NRP1: variants seen among roughly 807,000 people sequenced by gnomAD.
The protein encoded by NRP1 is neuropilin 1.
NRP1 carries 35 observed loss-of-function variants against 106.7 expected under a neutral mutation model. The ratio of observed to expected loss-of-function variants is 0.33; its 90% CI spans 0.25 to 0.43. The LOEUF is 0.43. Ranked by LOEUF, NRP1 falls within the 20% of genes least tolerant of loss-of-function variation. The pLI is 1.00. For synonymous variants in NRP1, 437 were observed against 417.9 expected (o/e 1.05, Z -0.56); for missense variants, 1,024 against 1,170.4 (o/e 0.87, Z 1.83).
chr10:33,224,602 T>C (rs571218612), intron 7 of NRP1, among the ~76,000 whole-genome samples: 1 of 151,480 alleles, frequency 6.6e-6, no homozygotes, highest in African/African-American at 2.4e-5. Flanking sequence ...GCAGGATGTA[T>C]AGGTTTGTTA....
intron 6 of NRP1, among the ~76,000 whole-genome samples, chr10:33,232,099 A>T (rs999580323): frequency 2.0e-5 from 3 of 152,176 alleles, no homozygotes; most frequent in African/African-American, 7.2e-5. Flanking sequence ...GAATCATGCT[A>T]AGTTCTCATC....
chr10:33,269,594 G>A (rs963535159), intron 3 of NRP1, among the ~76,000 whole-genome samples: 26 of 152,162 alleles, frequency 1.7e-4, no homozygotes, highest in South Asian at 6.2e-4. Flanking sequence ...CCCAACCCTC[G>A]GACTGCAGAC....
Position 33,185,674 on chromosome 10 carries a change from C to T in NRP1, c.2385G>A (p.Val795=), listed in dbSNP as rs765366437. The T allele has an allele frequency of 1.9e-6, 3 of 1,614,018 alleles. No homozygotes were observed. Among genetic ancestry groups the T allele is most frequent in the East Asian group, 4.5e-5 (2 of 44,884 alleles). The part of the protein sequence containing the change: ...IGKGNLGGIA[V]DDISINNHIS... Reference sequence around the variant, plus strand: ...TGTGGTTATTAATACTAATGTCATCCACAGCAATCCCACCAAGGTTTCCTT... The same window carrying T: ...TGTGGTTATTAATACTAATGTCATCTACAGCAATCCCACCAAGGTTTCCTT... Residue 795 remains valine (V), a synonymous_variant, in exon 15 of 17, where the codon GTG becomes GTA. Coordinates refer to ENST00000374867, the MANE Select transcript of NRP1 (RefSeq NM_003873.7).
At chr10:33,321,348 G>A (rs1049008709) in intron 2 of NRP1, among the ~76,000 whole-genome samples, 3 of 152,072 alleles carry the variant, frequency 2.0e-5, no homozygotes, top group African/African-American at 7.2e-5. Context: ...ACAAACAAAT[G>A]CCCACTTTTT....
chr10:33,200,698 C>T (rs1279957446), intron 11 of NRP1, among the ~76,000 whole-genome samples: 2 of 152,164 alleles, frequency 1.3e-5, no homozygotes, highest in Non-Finnish European at 2.9e-5. Flanking sequence ...TGCAAAATTG[C>T]TTGTGAGCAT....
chr10:33,246,208 C>T (rs1490529533), intron 6 of NRP1, among the ~76,000 whole-genome samples: 1 of 149,248 alleles, frequency 6.7e-6, no homozygotes, highest in African/African-American at 2.5e-5. Flanking sequence ...AATGTGTGCA[C>T]CTGTTTTCCC....
At chr10:33,257,826 T>C (rs947642563) in intron 4 of NRP1, among the ~76,000 whole-genome samples, 1 of 152,116 alleles carries the variant, frequency 6.6e-6, no homozygotes, top group Non-Finnish European at 1.5e-5. Context: ...CCTTTTTTTT[T>C]TCTCTAGGTT....
intron 2 of NRP1, among the ~76,000 whole-genome samples, chr10:33,282,140 T>TA (rs929471848): frequency 6.6e-6 from 1 of 151,820 alleles, no homozygotes; most frequent in Non-Finnish European, 1.5e-5. Context: ...TTTTTTTTTT[T>TA]AAATCATGAA....
At chr10:33,241,707 A>G (rs1372301424) in intron 6 of NRP1, among the ~76,000 whole-genome samples, 3 of 149,774 alleles carry the variant, frequency 2.0e-5, no homozygotes, top group Non-Finnish European at 4.4e-5. Flanking sequence ...GCTAAGGCAC[A>G]TGTTTGGAAA....
rs754303209 is a variant in NRP1, at chr10:33,334,371, C to A, written c.12G>T (p.Gly4=). MER[G]LPLLCAVLAL... ...CGAGCACGGCGCAGAGGAGCGGCAG[C>A]CCCCTCTCCATTCTCCCTTCTCCGG... Residue 4 remains glycine (G), a synonymous_variant, in exon 1 of 17, where the codon GGG becomes GGT. Transcript: ENST00000374867. The A allele has an allele frequency of 3.9e-6, 6 of 1,545,648 alleles. No homozygotes were observed. In the African/African-American group the frequency reaches 6.8e-5, roughly 18 times the overall value.
chr10:33,193,414 G>A (rs1836551444), intron 12 of NRP1, among the ~76,000 whole-genome samples: 1 of 152,156 alleles, frequency 6.6e-6, no homozygotes, highest in South Asian at 2.1e-4. Context: ...TGAAATTCTC[G>A]GGCTTCTGCC....
chr10:33,193,299 G>T (rs1836542735), intron 12 of NRP1, among the ~76,000 whole-genome samples: 1 of 152,070 alleles, frequency 6.6e-6, no homozygotes, highest in African/African-American at 2.4e-5. Context: ...CTTTTTGAAA[G>T]GAGCTTAACT....
At chr10:33,200,217 T>G (rs1224749008) in intron 11 of NRP1, among the ~76,000 whole-genome samples, 2 of 152,204 alleles carry the variant, frequency 1.3e-5, no homozygotes, top group Non-Finnish European at 2.9e-5. Context: ...TCAGTTTTGC[T>G]ATAGTTTGGG....
At chr10:33,192,689 T>G (rs1410142993) in intron 12 of NRP1, among the ~76,000 whole-genome samples, 2 of 152,172 alleles carry the variant, frequency 1.3e-5, no homozygotes, top group Admixed American at 6.5e-5. Flanking sequence ...ACATAAAATC[T>G]CCAGGAAGGC....
chr10:33,190,713 G>C (rs1836343867), intron 13 of NRP1, among the ~76,000 whole-genome samples: 1 of 152,138 alleles, frequency 6.6e-6, no homozygotes, highest in Admixed American at 6.5e-5. Context: ...AGCAAGCAGT[G>C]CTCTGTAAGT....
intron 2 of NRP1, among the ~76,000 whole-genome samples, chr10:33,280,879 G>A (rs971994063): frequency 6.6e-6 from 1 of 151,754 alleles, no homozygotes; most frequent in African/African-American, 2.4e-5. Flanking sequence ...CTACTTGCGG[G>A]GCTGAGGCAG....
intron 2 of NRP1, among the ~76,000 whole-genome samples, chr10:33,303,141 G>A (rs1588956906): frequency 1.3e-5 from 2 of 152,296 alleles, no homozygotes; most frequent in East Asian, 3.9e-4. Context: ...ACCTTGCCAT[G>A]GAAGAGTGAA....
At chr10:33,269,461 C>T (rs1564441128) in intron 3 of NRP1, among the ~76,000 whole-genome samples, 1 of 152,070 alleles carries the variant, frequency 6.6e-6, no homozygotes, top group Non-Finnish European at 1.5e-5. Flanking sequence ...CCATGGCTGG[C>T]TAATGCATTT....
intron 2 of NRP1, among the ~76,000 whole-genome samples, chr10:33,328,011 A>ATTTTT: frequency 6.6e-6 from 1 of 152,156 alleles, no homozygotes; most frequent in Non-Finnish European, 1.5e-5. Flanking sequence ...ACACCTTCAC[A>ATTTTT]GAGAGCAAAG....
Sources: allele counts gnomAD v4.1 joint callset (sites outside exome capture counted in the v4.1 genomes callset), GRCh38; gene constraint gnomAD v4.1.1; transcripts MANE v1.5; gene names NCBI Gene and HGNC (gene_info 2026-07-23, HGNC 2026-07-21).